Variants in MTHFD1 observed in about 807,000 individuals in gnomAD.
MTHFD1 encodes methylenetetrahydrofolate dehydrogenase, cyclohydrolase and formyltetrahydrofolate synthetase 1, also known as C-1-tetrahydrofolate synthase, cytoplasmic.
MTHFD1 carries 44 observed loss-of-function variants against 110.3 expected under a neutral mutation model. The ratio of observed to expected loss-of-function variants is 0.40; its 90% CI spans 0.31 to 0.51. MTHFD1 has a LOEUF of 0.51. MTHFD1 is among the 20% of genes least tolerant of loss of function. The pLI is 0.60. For synonymous variants in MTHFD1, 402 were observed against 428.8 expected (o/e 0.94, Z 0.77); for missense variants, 909 against 1,173.1 (o/e 0.77, Z 3.29).
chr14:64,403,456 T>C (rs2077914556), intron 2 of MTHFD1, among the ~76,000 whole-genome samples: 1 of 152,070 alleles, frequency 6.6e-6, no homozygotes, highest in Non-Finnish European at 1.5e-5. Flanking sequence ...TTAGTAGAGA[T>C]AGGGTTTCAC....
Position 64,441,469 on chromosome 14 carries a change from C to T in MTHFD1, c.1884+16C>T, listed in dbSNP as rs772458562. ...GACACTGGAGGTGAGCAGAGTGACT[C>T]CTGCCTTCTTGAATTGGTTTTGGAC... On this transcript the variant is annotated intron_variant, in intron 19 of 27. Transcript: ENST00000652337. 1.2e-6 allele frequency: 2 copies of T among 1,613,114 alleles called. No homozygotes were observed. The highest frequency in any genetic ancestry group is 1.1e-5 in the South Asian group (1 of 91,078).
Position 64,459,974 on chromosome 14 carries a change from G to A in MTHFD1, c.*220G>A, listed in dbSNP as rs2078535608. 25 of 1,481,192 alleles carry A rather than the reference G, an allele frequency of 1.7e-5. No homozygotes were observed. Among genetic ancestry groups the A allele is most frequent in the African/African-American group, 2.8e-5 (2 of 71,542 alleles). The allele number at this position is 1,481,192 out of a possible 1,614,324, so 91.8% of individuals were successfully genotyped here. A position where few individuals can be genotyped will look rare whatever the true frequency, so the allele number is the denominator to read the frequency against. ...ATGCATGTCTGTTTACTTTAGTGAC[G>A]TTCCACAGAATAAAAGGAAACAAGT... On this transcript the variant is annotated 3_prime_UTR_variant, in exon 28 of 28. Coordinates refer to ENST00000652337, the MANE Select transcript of MTHFD1 (RefSeq NM_005956.4).
rs765124337 is a variant in MTHFD1 at position 64,458,309 on chromosome 14, T to TA, written c.*4+4dup. 5 of 1,604,076 alleles carry TA rather than the reference T, an allele frequency of 3.1e-6. No homozygotes were observed. The African/African-American group carries it at 6.7e-5, about 21-fold the overall frequency. ...AGGTGAATGGATTATTCTAAACAGG[T>TA]AAGTTGTTACTGGGTAATAATTTGG... is the stretch of plus-strand genomic sequence containing the variant. On this transcript the variant is annotated splice_region_variant and intron_variant, in intron 27 of 27. Transcript: ENST00000652337.
chr14:64,390,246 A>G (rs1004300935), intron 1 of MTHFD1: 2 of 152,208 alleles, frequency 1.3e-5, no homozygotes, highest in African/African-American at 4.8e-5. Context: ...CTGGCACATA[A>G]TAAGTATTCG....
At position 64,389,602 on chromosome 14, in the gene MTHFD1, G is replaced by C. The variant is rs564266679; in HGVS notation, c.41+1134G>C. ...CAGGCATCTGTAATCCCAGCTACTT[G>C]GGAGGCTGAGGCAGGAGAATCACTT... is the stretch of plus-strand genomic sequence containing the variant. On this transcript the variant is annotated intron_variant, in intron 1 of 27. Transcript: ENST00000652337. Among the ~76,000 whole-genome samples the C allele has an allele frequency of 3.3e-5, 5 of 152,160 alleles. No homozygotes were observed. The East Asian group carries it at 9.7e-4, about 29-fold the overall frequency.
chr14:64,447,763 C>T (rs2078305464), intron 22 of MTHFD1, among the ~76,000 whole-genome samples: 1 of 152,150 alleles, frequency 6.6e-6, no homozygotes, highest in South Asian at 2.1e-4. Flanking sequence ...GTGCCAGCCA[C>T]TATGTTGTTA....
At chr14:64,423,358 T>C (rs2078090316) in intron 8 of MTHFD1, among the ~76,000 whole-genome samples, 1 of 152,142 alleles carries the variant, frequency 6.6e-6, no homozygotes, top group African/African-American at 2.4e-5. Context: ...TGTTAAGCCT[T>C]CTTTGCATTT....
intron 16 of MTHFD1, 43 bp downstream of exon 16, chr14:64,435,714 G>A: frequency 8.9e-7 from 1 of 1,122,048 alleles, no homozygotes; most frequent in Non-Finnish European, 1.4e-6. Flanking sequence ...TGGCTATATT[G>A]CACACCCTAC....
chr14:64,422,162 T>C lies in MTHFD1; in HGVS notation c.727+2237T>C, dbSNP rs192735881. On this transcript the variant is annotated intron_variant, in intron 8 of 27. Transcript: ENST00000652337. ...CAGTATCTTCCCTTCTGGTCAACAG[T>C]GTTTTTACTGATCTTGGGCATATAG... is the stretch of plus-strand genomic sequence containing the variant. Among the ~76,000 whole-genome samples the C allele has an allele frequency of 3.8e-4, 58 of 152,240 alleles. 2 individuals are homozygous for C. The highest frequency in any genetic ancestry group is 6.2e-4 in the Non-Finnish European group (42 of 68,020).
chr14:64,405,106 C>G (rs148678642), intron 2 of MTHFD1, among the ~76,000 whole-genome samples: 48 of 152,272 alleles, frequency 3.2e-4, no homozygotes, highest in African/African-American at 1.1e-3. Flanking sequence ...GGTGGATTTT[C>G]CCTTTTTTGC....
intron 8 of MTHFD1, chr14:64,422,813 G>T (rs1364402169): frequency 6.6e-6 from 1 of 152,136 alleles, no homozygotes; most frequent in Non-Finnish European, 1.5e-5. Flanking sequence ...GAGGTCATAT[G>T]CTTAGGCTGA....
At chr14:64,440,459 G>A (rs954534214) in intron 18 of MTHFD1, 193 bp downstream of exon 18, 7 of 687,474 alleles carry the variant, frequency 1.0e-5, no homozygotes, top group Non-Finnish European at 1.8e-5. Context: ...ATAATAGCTG[G>A]TATGCTTTAG....
At chr14:64,416,469 T>C (rs1488996093) in intron 6 of MTHFD1, among the ~76,000 whole-genome samples, 1 of 152,102 alleles carries the variant, frequency 6.6e-6, no homozygotes, top group Non-Finnish European at 1.5e-5. Context: ...CCACAGTAGT[T>C]CCAGGACTCG....
chr14:64,421,349 T>C (rs921759792), intron 8 of MTHFD1, among the ~76,000 whole-genome samples: 3 of 152,236 alleles, frequency 2.0e-5, no homozygotes, highest in Non-Finnish European at 4.4e-5. Flanking sequence ...AAGGGAGTTA[T>C]AGCTGGAAGT....
At chr14:64,439,288 C>T (rs182598942) in intron 17 of MTHFD1, 116 bp downstream of exon 17, 1 of 817,108 alleles carries the variant, frequency 1.2e-6, no homozygotes, top group African/African-American at 1.7e-5. Context: ...TCTGCCTTCT[C>T]CCTTTTAAAA....
At chr14:64,403,755 A>G (rs2077917120) in intron 2 of MTHFD1, among the ~76,000 whole-genome samples, 1 of 151,890 alleles carries the variant, frequency 6.6e-6, no homozygotes, top group South Asian at 2.1e-4. Flanking sequence ...CTTGTTGCCC[A>G]GGCTAGTCTC....
At chr14:64,425,867 G>C in intron 10 of MTHFD1, 40 bp downstream of exon 10, 1 of 1,601,408 alleles carries the variant, frequency 6.2e-7, no homozygotes, top group Non-Finnish European at 8.6e-7. Context: ...TTTGTGAATT[G>C]TTGGTTTTTA....
At chr14:64,431,749 G>A (rs376216573) in intron 14 of MTHFD1, 38 bp from the exon 15 acceptor site, 140 of 1,604,986 alleles carry the variant, frequency 8.7e-5, no homozygotes, top group Non-Finnish European at 1.2e-4. Flanking sequence ...AAAGCAGTGG[G>A]GCTCCTCTCA....
At chr14:64,413,406 C>T (rs1234018963) in intron 4 of MTHFD1, among the ~76,000 whole-genome samples, 4 of 152,032 alleles carry the variant, frequency 2.6e-5, no homozygotes, top group South Asian at 2.1e-4. Context: ...TTCTAAAAAC[C>T]AAATATGTAT....
Sources: allele counts gnomAD v4.1 joint callset (sites outside exome capture counted in the v4.1 genomes callset), GRCh38; gene constraint gnomAD v4.1.1; transcripts MANE v1.5; gene names NCBI Gene and HGNC (gene_info 2026-07-23, HGNC 2026-07-21).